Variants in FARP1 observed in about 807,000 individuals in gnomAD.
FARP1 encodes FERM, ARH/RhoGEF and pleckstrin domain protein 1.
In FARP1, 52 loss-of-function variants were observed where a neutral mutation model predicts 128.8. The ratio of observed to expected loss-of-function variants is 0.40; its 90% confidence interval spans 0.32 to 0.51. FARP1 has a LOEUF of 0.51. Ranked by LOEUF, FARP1 falls within the 20% of genes least tolerant of loss-of-function variation. The pLI, the probability that FARP1 is intolerant of heterozygous loss-of-function variation, is 0.45. For synonymous variants in FARP1, 580 were observed against 551.8 expected, an observed-to-expected ratio of 1.05 and a Z score of -0.72; for missense variants, 1,333 against 1,367.9, an observed-to-expected ratio of 0.97 and a Z score of 0.40.
rs1885002020 is a variant in FARP1 at position 98,282,953 on chromosome 13, T to A, written c.172-60809T>A. ...TTCTGGAAAATTCTCTCCTGTCAAA[T>A]GCTTTATTTTTTTTGACATTGCCAT... is the stretch of plus-strand genomic sequence containing the variant. On this transcript the variant is annotated intron_variant, in intron 2 of 26. Transcript: ENST00000319562. Among the ~76,000 whole-genome samples, 3 of 152,332 alleles carry A rather than the reference T, an allele frequency of 2.0e-5. No individual in the cohort carries two copies. The South Asian group carries it at 6.2e-4, about 32-fold the overall frequency.
At chr13:98,393,554 C>T in intron 11 of FARP1, 89 bp from the exon 12 acceptor site, 2 of 1,016,652 alleles carry the variant, frequency 2.0e-6, no homozygotes, top group Non-Finnish European at 3.1e-6. Context: ...CTAATACGTC[C>T]AACAAAAGGA....
intron 24 of FARP1, among the ~76,000 whole-genome samples, chr13:98,441,526 C>G (rs1892524321): frequency 6.6e-6 from 1 of 152,212 alleles, no homozygotes. Context: ...CAGGGCCCCT[C>G]CGGGTTTTCT....
intron 5 of FARP1, among the ~76,000 whole-genome samples, chr13:98,370,089 T>G (rs1889261834): frequency 6.6e-6 from 1 of 152,206 alleles, no homozygotes; most frequent in Non-Finnish European, 1.5e-5. Flanking sequence ...TTTAGGTAAT[T>G]GAAGTAGGAG....
chr13:98,247,585 G>A (rs558005014), intron 2 of FARP1, among the ~76,000 whole-genome samples: 39 of 152,302 alleles, frequency 2.6e-4, no homozygotes, highest in African/African-American at 9.4e-4. Flanking sequence ...AGACGGAGAA[G>A]GATACAACAG....
intron 2 of FARP1, among the ~76,000 whole-genome samples, chr13:98,290,695 G>A (rs1885408126): frequency 1.3e-5 from 2 of 152,156 alleles, no homozygotes; most frequent in African/African-American, 4.8e-5. Context: ...GTGGCTTTGA[G>A]TAACATCGTA....
At chr13:98,170,707 G>T (rs1213231100) in intron 1 of FARP1, among the ~76,000 whole-genome samples, 5 of 151,422 alleles carry the variant, frequency 3.3e-5, no homozygotes, top group Non-Finnish European at 7.4e-5. Flanking sequence ...GGTCAGGCTG[G>T]TCTCGAACTC....
At chr13:98,350,660 C>T (rs576647529) in intron 3 of FARP1, among the ~76,000 whole-genome samples, 1 of 152,252 alleles carries the variant, frequency 6.6e-6, no homozygotes, top group South Asian at 2.1e-4. Flanking sequence ...CCTCTCTCCT[C>T]GTGAGCACCT....
chr13:98,193,660 T>C (rs976700901), intron 1 of FARP1, among the ~76,000 whole-genome samples: 4 of 152,258 alleles, frequency 2.6e-5, no homozygotes, highest in African/African-American at 9.6e-5. Flanking sequence ...CAACCCACTT[T>C]GCTGTACCTT....
At chr13:98,341,499 G>A (rs1887973017) in intron 2 of FARP1, among the ~76,000 whole-genome samples, 1 of 152,162 alleles carries the variant, frequency 6.6e-6, no homozygotes, top group African/African-American at 2.4e-5. Context: ...GGGCGTGGTG[G>A]CGGGCGCCTG....
intron 2 of FARP1, among the ~76,000 whole-genome samples, chr13:98,298,995 A>G (rs1459929755): frequency 6.6e-6 from 1 of 152,214 alleles, no homozygotes; most frequent in African/African-American, 2.4e-5. Context: ...ACGTGCTGCT[A>G]AGATGCTATC....
chr13:98,209,868 GCTA>G (rs1036104259), intron 1 of FARP1, among the ~76,000 whole-genome samples: 1 of 142,584 alleles, frequency 7.0e-6, no homozygotes, highest in African/African-American at 2.6e-5. Context: ...TGTAATCCCA[GCTA>G]CCCGGGAGGC....
At chr13:98,167,899 G>A (rs1877383131) in intron 1 of FARP1, among the ~76,000 whole-genome samples, 1 of 150,436 alleles carries the variant, frequency 6.6e-6, no homozygotes, top group Non-Finnish European at 1.5e-5. Flanking sequence ...CTGGCCGGGT[G>A]CGGTGGCTCA....
At chr13:98,424,746 C>CG in intron 17 of FARP1, 96 bp downstream of exon 17, 2 of 827,218 alleles carry the variant, frequency 2.4e-6, no homozygotes, top group South Asian at 2.8e-5. Flanking sequence ...CATCAGCATG[C>CG]ATCACCTGAT....
chr13:98,246,164 G>A lies in FARP1; in HGVS notation c.171+32751G>A, dbSNP rs1387994469. ...GGCTGGAGTGCAGTGGCGCAATCTCGGCTCACTGCAGGCTCCGCCCCCTGG... is the reference window on the plus strand; with the variant it reads ...GGCTGGAGTGCAGTGGCGCAATCTCAGCTCACTGCAGGCTCCGCCCCCTGG... On this transcript the variant is annotated intron_variant, in intron 2 of 26. Transcript: ENST00000319562. Among the ~76,000 whole-genome samples, 4 of 121,466 alleles carry A rather than the reference G, an allele frequency of 3.3e-5. No homozygotes were observed. The Admixed American group carries it at 3.4e-4, about 10-fold the overall frequency. 79.7% of individuals were successfully genotyped at this position (121,466 alleles called of 152,430 possible).
intron 1 of FARP1, among the ~76,000 whole-genome samples, chr13:98,162,431 C>G (rs1409906625): frequency 6.6e-6 from 1 of 152,168 alleles, no homozygotes; most frequent in Admixed American, 6.5e-5. Flanking sequence ...TGCGTTTGTG[C>G]CGCTATTCCT....
At chr13:98,373,993 C>CTGA in intron 5 of FARP1, among the ~76,000 whole-genome samples, 1 of 152,294 alleles carries the variant, frequency 6.6e-6, no homozygotes, top group Middle Eastern at 3.4e-3. Context: ...ATTGCATTCC[C>CTGA]ATTGCCCGTC....
chr13:98,383,623 C>G (rs1889974482), intron 6 of FARP1: 1 of 152,224 alleles, frequency 6.6e-6, no homozygotes, highest in East Asian at 1.9e-4. Context: ...CAGCTGGGCT[C>G]TGGTCATTAG....
chr13:98,360,090 C>CTTTTTTT (rs55859311), intron 3 of FARP1, among the ~76,000 whole-genome samples: 17 of 104,602 alleles, frequency 1.6e-4, no homozygotes, highest in East Asian at 3.3e-4. Context: ...GATTGTGTTG[C>CTTTTTTT]TTTTTTTTTT....
intron 2 of FARP1, among the ~76,000 whole-genome samples, chr13:98,222,325 G>A (rs1881460135): frequency 1.3e-5 from 2 of 152,322 alleles, no homozygotes; most frequent in Middle Eastern, 3.4e-3. Context: ...ACTACCCTCT[G>A]AAAAATCCCT....
Sources: allele counts gnomAD v4.1 joint callset (sites outside exome capture counted in the v4.1 genomes callset), GRCh38; gene constraint gnomAD v4.1.1; transcripts MANE v1.5; gene names NCBI Gene and HGNC (gene_info 2026-07-23, HGNC 2026-07-21).